The following LRRC69 variants were observed in gnomAD, a reference collection of about 807,000 sequenced individuals.
LRRC69 encodes leucine rich repeat containing 69, also known as leucine-rich repeat-containing protein 69.
A neutral mutation model predicts 37.8 loss-of-function variants in LRRC69; 42 were observed. That is an observed-to-expected ratio of 1.11 (90% confidence interval 0.87 to 1.44). The LOEUF is 1.44. Ranked by LOEUF, LRRC69 falls within the 40% of genes most tolerant of loss-of-function variation. LRRC69 has a pLI of 0.00. For synonymous variants in LRRC69, 141 were observed against 143.1 expected (o/e 0.99, Z 0.11); for missense variants, 357 against 401.9 (o/e 0.89, Z 0.96).
intron 1 of LRRC69, among the ~76,000 whole-genome samples, chr8:91,107,301 A>AT (rs751638822): frequency 2.2e-4 from 33 of 150,602 alleles, no homozygotes; most frequent in African/African-American, 5.1e-4. Context: ...TGCCTGGCTA[A>AT]TTTTTTTTGT....
chr8:91,154,195 A>G (rs561803552), intron 5 of LRRC69, among the ~76,000 whole-genome samples: 29 of 151,918 alleles, frequency 1.9e-4, no homozygotes, highest in Admixed American at 1.9e-3. Context: ...TAGACCAATA[A>G]CAAGTTCTGA....
At chr8:91,198,160 G>C (rs1164136767) in intron 6 of LRRC69, among the ~76,000 whole-genome samples, 4 of 152,142 alleles carry the variant, frequency 2.6e-5, no homozygotes, top group Non-Finnish European at 5.9e-5. Flanking sequence ...AAAATTTATT[G>C]CTAATAACTA....
At chr8:91,170,233 G>T (rs1026017514) in intron 5 of LRRC69, among the ~76,000 whole-genome samples, 6 of 126,024 alleles carry the variant, frequency 4.8e-5, no homozygotes, top group East Asian at 2.3e-4. Context: ...GTGTGAGATG[G>T]TATCTCATTG....
intron 5 of LRRC69, among the ~76,000 whole-genome samples, chr8:91,182,736 G>A (rs965598599): frequency 6.6e-6 from 1 of 152,204 alleles, no homozygotes; most frequent in Non-Finnish European, 1.5e-5. Context: ...ATATGTTTAA[G>A]CCTTGCATTA....
At chr8:91,141,658 G>A (rs961166672) in intron 5 of LRRC69, among the ~76,000 whole-genome samples, 1 of 152,034 alleles carries the variant, frequency 6.6e-6, no homozygotes, top group African/African-American at 2.4e-5. Flanking sequence ...TGTGTTTGAA[G>A]AAATCTCTAA....
At chr8:91,198,383 C>G (rs1809655142) in intron 6 of LRRC69, among the ~76,000 whole-genome samples, 1 of 152,136 alleles carries the variant, frequency 6.6e-6, no homozygotes, top group Admixed American at 6.5e-5. Context: ...GAATTTACAC[C>G]TATGCATGTA....
At chr8:91,194,911 T>C (rs1275212780) in intron 6 of LRRC69, among the ~76,000 whole-genome samples, 10 of 152,024 alleles carry the variant, frequency 6.6e-5, no homozygotes, top group African/African-American at 2.4e-4. Context: ...GCTCTTGCTT[T>C]TCTAGTTCTT....
At chr8:91,143,071 T>C (rs770675577) in intron 5 of LRRC69, among the ~76,000 whole-genome samples, 5 of 152,104 alleles carry the variant, frequency 3.3e-5, no homozygotes, top group Non-Finnish European at 5.9e-5. Context: ...GCCTTACTTC[T>C]TTTTAGCCAC....
At chr8:91,186,151 G>T (rs1428143341) in intron 5 of LRRC69, among the ~76,000 whole-genome samples, 1 of 152,184 alleles carries the variant, frequency 6.6e-6, no homozygotes. Flanking sequence ...TTTCTGAGAA[G>T]ATATTTGTTT....
intron 7 of LRRC69, chr8:91,209,468 T>A (rs935673918): frequency 1.3e-4 from 16 of 126,924 alleles, no homozygotes; most frequent in Non-Finnish European, 2.3e-4. Context: ...AATAAATAAA[T>A]AAAAAAGCCT....
chr8:91,150,582 G>A (rs889154179), intron 5 of LRRC69, among the ~76,000 whole-genome samples: 3 of 152,004 alleles, frequency 2.0e-5, no homozygotes, highest in Admixed American at 2.0e-4. Flanking sequence ...TTTGGTATCA[G>A]GATAATGCTG....
At position 91,199,916 on chromosome 8, in the gene LRRC69, T is replaced by TTTA. The variant is rs1195924027; in HGVS notation, c.754-685_754-683dup. Among the ~76,000 whole-genome samples the TTTA allele has an allele frequency of 3.3e-5, 5 of 152,164 alleles. No individual in the cohort carries two copies. The East Asian group carries it at 9.6e-4, about 29-fold the overall frequency. The stretch of plus-strand genomic sequence containing the variant: ...ACTTCCTCCCTTTATTATTTAGTAT[T>TTTA]TTATTATTATTATTGCAAGTCAATT... On this transcript the variant is annotated intron_variant, in intron 6 of 7. Coordinates refer to ENST00000448384, the Ensembl canonical transcript of LRRC69.
chr8:91,119,556 C>A (rs1813579393), intron 1 of LRRC69, among the ~76,000 whole-genome samples: 1 of 152,006 alleles, frequency 6.6e-6, no homozygotes, highest in Non-Finnish European at 1.5e-5. Flanking sequence ...ATGTGGTTAT[C>A]CAGATAAAAT....
chr8:91,121,545 A>G (rs1302605344), intron 1 of LRRC69, among the ~76,000 whole-genome samples: 1 of 151,918 alleles, frequency 6.6e-6, no homozygotes, highest in Non-Finnish European at 1.5e-5. Flanking sequence ...CTTCTTCCTT[A>G]TTGTCACTCA....
intron 5 of LRRC69, among the ~76,000 whole-genome samples, chr8:91,169,369 A>G (rs1809084756): frequency 6.6e-6 from 1 of 151,936 alleles, no homozygotes; most frequent in African/African-American, 2.4e-5. Context: ...ATTTACCTAT[A>G]TAACAAACCT....
At chr8:91,141,973 G>A (rs1016165395) in intron 5 of LRRC69, among the ~76,000 whole-genome samples, 1 of 151,932 alleles carries the variant, frequency 6.6e-6, no homozygotes, top group African/African-American at 2.4e-5. Context: ...CTTTCTTTAG[G>A]TCAGAAAACT....
intron 5 of LRRC69, among the ~76,000 whole-genome samples, chr8:91,162,238 G>A (rs1357852583): frequency 6.6e-6 from 1 of 151,482 alleles, no homozygotes; most frequent in Non-Finnish European, 1.5e-5. Context: ...GCTGTTGGAT[G>A]ACATGTTTTA....
chr8:91,142,192 T>A (rs574928805), intron 5 of LRRC69, among the ~76,000 whole-genome samples: 1 of 152,132 alleles, frequency 6.6e-6, no homozygotes, highest in African/African-American at 2.4e-5. Context: ...AGAAAAAGTT[T>A]TAATGATCAT....
At chr8:91,167,935 TCC>T (rs1179436823) in intron 5 of LRRC69, among the ~76,000 whole-genome samples, 7 of 151,944 alleles carry the variant, frequency 4.6e-5, no homozygotes, top group Non-Finnish European at 1.5e-5. Context: ...ATCCTTAAAT[TCC>T]CCAAGTCTCA....
Sources: allele counts gnomAD v4.1 joint callset (sites outside exome capture counted in the v4.1 genomes callset), GRCh38; gene constraint gnomAD v4.1.1; transcripts MANE v1.5; gene names NCBI Gene and HGNC (gene_info 2026-07-23, HGNC 2026-07-21).